Variants in CDH13 observed in about 807,000 individuals in gnomAD.
CDH13 encodes cadherin-13.
In CDH13, 24 loss-of-function variants were observed where a neutral mutation model predicts 63.8. The ratio of observed to expected loss-of-function variants is 0.38; its 90% confidence interval spans 0.27 to 0.53. The LOEUF (loss-of-function observed/expected upper bound fraction) is 0.53. Among genes scored for constraint, CDH13 ranks in the 20% least tolerant of loss-of-function variants. The pLI is 0.85. For missense variants in CDH13, 1,049 were observed against 903.1 expected (o/e 1.16, Z -2.07); for synonymous variants, 503 against 355.3 (o/e 1.42, Z -4.67).
chr16:83,012,756 G>T (rs1914292155), intron 2 of CDH13, among the ~76,000 whole-genome samples: 1 of 151,528 alleles, frequency 6.6e-6, no homozygotes, highest in African/African-American at 2.4e-5. Flanking sequence ...GGCACTTCAG[G>T]GTATATTTAT....
chr16:83,540,506 C>G (rs529886088), intron 7 of CDH13, among the ~76,000 whole-genome samples: 1 of 152,316 alleles, frequency 6.6e-6, no homozygotes, highest in African/African-American at 2.4e-5. Flanking sequence ...TCAGGGGTGC[C>G]TTTGCTCACT....
At chr16:83,437,921 C>T (rs2072360635) in intron 6 of CDH13, among the ~76,000 whole-genome samples, 1 of 152,130 alleles carries the variant, frequency 6.6e-6, no homozygotes, top group Admixed American at 6.5e-5. Context: ...AACTCTCTTC[C>T]TTCTGCTTCC....
In CDH13 at chr16:83,326,663, C is replaced by T. The variant is rs933278212; in HGVS notation, c.637-18199C>T. 2.0e-5 allele frequency among the ~76,000 whole-genome samples: 3 copies of T among 152,108 alleles called. 1 individual carries two copies. Among genetic ancestry groups the T allele is most frequent in the Non-Finnish European group, 4.4e-5 (3 of 68,020 alleles). Reference sequence around the variant, plus strand: ...TAGGTGGTGGGTAGGACTATATTTACACTTTGTCTCTGCATGGCCCGCAAA... The same window carrying T: ...TAGGTGGTGGGTAGGACTATATTTATACTTTGTCTCTGCATGGCCCGCAAA... On this transcript the variant is annotated intron_variant, in intron 5 of 13. Transcript: ENST00000567109.
chr16:82,927,480 G>A (rs1281957018), intron 2 of CDH13, among the ~76,000 whole-genome samples: 3 of 152,176 alleles, frequency 2.0e-5, no homozygotes, highest in Admixed American at 6.5e-5. Context: ...CACGTGAGTA[G>A]AGGCTGCGGG....
chr16:83,293,802 G>C (rs1727991988), intron 5 of CDH13, among the ~76,000 whole-genome samples: 1 of 152,264 alleles, frequency 6.6e-6, no homozygotes, highest in African/African-American at 2.4e-5. Flanking sequence ...GTGTTTCTCA[G>C]CTACAGTTTC....
At chr16:83,635,713 G>A (rs558575400) in intron 8 of CDH13, among the ~76,000 whole-genome samples, 1 of 152,142 alleles carries the variant, frequency 6.6e-6, no homozygotes, top group Non-Finnish European at 1.5e-5. Context: ...CACATCCTTT[G>A]TCGGAGATGT....
At chr16:83,417,985 G>T (rs1479945903) in intron 6 of CDH13, among the ~76,000 whole-genome samples, 2 of 151,442 alleles carry the variant, frequency 1.3e-5, no homozygotes, top group African/African-American at 2.4e-5. Context: ...ATCCTTTAAA[G>T]CCCAGGGAAA....
Position 83,143,958 on chromosome 16 carries a change from T to C in CDH13, c.483+18457T>C, listed in dbSNP as rs548064980. Among the ~76,000 whole-genome samples, 26 of 152,266 alleles carry C rather than the reference T, an allele frequency of 1.7e-4. No individual in the cohort carries two copies. In the East Asian group the frequency reaches 5.0e-3, roughly 29 times the overall value. ...AACATAGTGAGACGAGACAGAAGGC[T>C]GGTGGTTGCTGCTCTGCTGGTTACC... On this transcript the variant is annotated intron_variant, in intron 4 of 13. Transcript: ENST00000567109.
chr16:83,009,319 G>A (rs986488903), intron 2 of CDH13, among the ~76,000 whole-genome samples: 4 of 152,236 alleles, frequency 2.6e-5, no homozygotes, highest in Non-Finnish European at 4.4e-5. Context: ...GGATCAGTAA[G>A]AGGTGTCTCT....
chr16:83,496,051 G>C lies in CDH13; in HGVS notation c.960+9396G>C, dbSNP rs948248496. ...AAGAACATTCCATGCTCATGGGTAGGAAGAATCAATATCGTGAAAATGGCC... is the reference window on the plus strand; with the variant it reads ...AAGAACATTCCATGCTCATGGGTAGCAAGAATCAATATCGTGAAAATGGCC... On this transcript the variant is annotated intron_variant, in intron 7 of 13. Transcript: ENST00000567109. Among the ~76,000 whole-genome samples, 4 of 151,486 alleles carry C rather than the reference G, an allele frequency of 2.6e-5. No individual in the cohort carries two copies. The South Asian group carries it at 8.4e-4, about 32-fold the overall frequency.
intron 11 of CDH13, among the ~76,000 whole-genome samples, chr16:83,756,797 A>T (rs1913545460): frequency 6.6e-6 from 1 of 152,264 alleles, no homozygotes; most frequent in Non-Finnish European, 1.5e-5. Flanking sequence ...TATACAGAGC[A>T]GAGAAAACTA....
chr16:82,676,582 C>A (rs1377300405), intron 1 of CDH13, among the ~76,000 whole-genome samples: 2 of 151,036 alleles, frequency 1.3e-5, no homozygotes, highest in Non-Finnish European at 2.9e-5. Flanking sequence ...TTTCTCTTCT[C>A]CCCAACCAGA....
chr16:83,254,949 CTCTTTCTTTCTTTCTTTCTTTCTT>C (rs11269178), intron 5 of CDH13, among the ~76,000 whole-genome samples: 4 of 6,728 alleles, frequency 5.9e-4, no homozygotes, highest in Non-Finnish European at 4.3e-3. Flanking sequence ...TTTTCTTTTT[CTCTTTCTTTCTTTCTTTCTTTCTT>C]TCTTTCTTTC....
chr16:83,544,977 A>C lies in CDH13; in HGVS notation c.961-57477A>C, dbSNP rs11149576. 6.6e-5 allele frequency among the ~76,000 whole-genome samples: 10 copies of C among 152,376 alleles called. No individual in the cohort carries two copies. In the East Asian group the frequency reaches 1.9e-3, roughly 29 times the overall value. On this transcript the variant is annotated intron_variant, in intron 7 of 13. Transcript: ENST00000567109. ...TATAGGTATGATATGTAATTCTCTTAGTTAATGAGACTTTCCTTAAACTAA... is the reference window on the plus strand; with the variant it reads ...TATAGGTATGATATGTAATTCTCTTCGTTAATGAGACTTTCCTTAAACTAA...
intron 6 of CDH13, among the ~76,000 whole-genome samples, chr16:83,416,749 T>C (rs1280485469): frequency 1.3e-5 from 2 of 152,194 alleles, no homozygotes; most frequent in Non-Finnish European, 2.9e-5. Context: ...GCACAAATGC[T>C]GGGGTCAAAT....
intron 2 of CDH13, among the ~76,000 whole-genome samples, chr16:82,869,346 A>AT (rs57486405): frequency 0.058 from 8,487 of 146,090 alleles, 269 homozygotes; most frequent in Middle Eastern, 0.14. Context: ...CTCAGCGGGA[A>AT]TTTTTTTTTT....
chr16:83,789,745 G>A (rs1047224825), intron 13 of CDH13, among the ~76,000 whole-genome samples: 2 of 152,186 alleles, frequency 1.3e-5, no homozygotes, highest in African/African-American at 4.8e-5. Context: ...TCTCTTTGAT[G>A]TTTCTTTAAA....
chr16:83,579,039 A>G (rs988093214), intron 7 of CDH13, among the ~76,000 whole-genome samples: 6 of 152,232 alleles, frequency 3.9e-5, no homozygotes, highest in African/African-American at 1.4e-4. Flanking sequence ...CCTTCTGACA[A>G]CCTTGCAAAG....
At chr16:83,400,933 G>A (rs2091958750) in intron 6 of CDH13, among the ~76,000 whole-genome samples, 1 of 152,120 alleles carries the variant, frequency 6.6e-6, no homozygotes, top group Admixed American at 6.5e-5. Flanking sequence ...GCCGGGTGTG[G>A]TGGCTCACAC....
Sources: allele counts gnomAD v4.1 joint callset (sites outside exome capture counted in the v4.1 genomes callset), GRCh38; gene constraint gnomAD v4.1.1; transcripts MANE v1.5; gene names NCBI Gene and HGNC (gene_info 2026-07-23, HGNC 2026-07-21).